Variants in ADAM18 observed in about 807,000 individuals in gnomAD.
The protein encoded by ADAM18 is ADAM metallopeptidase domain 18.
Under a neutral mutation model 94.4 loss-of-function variants are expected in ADAM18, and 117 were observed. The ratio of observed to expected loss-of-function variants is 1.24; its 90% CI spans 1.07 to 1.45. The LOEUF (loss-of-function observed/expected upper bound fraction) is 1.45, where lower values mean the gene tolerates loss of function less well. Among genes scored for constraint, ADAM18 ranks in the 40% most tolerant of loss-of-function variants. The pLI, the probability that ADAM18 is intolerant of heterozygous loss-of-function variation, is 0.00. For synonymous variants in ADAM18, 327 were observed against 291.6 expected (o/e 1.12, Z -1.24); for missense variants, 936 against 880.0 (o/e 1.06, Z -0.81).
chr8:39,633,486 T>C (rs555176760), intron 7 of ADAM18, among the ~76,000 whole-genome samples: 103 of 152,236 alleles, frequency 6.8e-4, no homozygotes, highest in Non-Finnish European at 1.3e-3. Flanking sequence ...AACAGAATGC[T>C]GGTAGAAATA....
At chr8:39,664,007 T>A in intron 13 of ADAM18, 117 bp downstream of exon 13, 1 of 697,566 alleles carries the variant, frequency 1.4e-6, no homozygotes, top group Non-Finnish European at 2.3e-6. Flanking sequence ...AAATAAAATG[T>A]AGAGTGCATG....
At chr8:39,681,756 T>C (rs1161609403) in intron 16 of ADAM18, among the ~76,000 whole-genome samples, 2 of 152,148 alleles carry the variant, frequency 1.3e-5, no homozygotes, top group South Asian at 2.1e-4. Flanking sequence ...GTTAGGAGTA[T>C]ATTATTGAAA....
chr8:39,691,956 T>C (rs922152781), intron 16 of ADAM18, among the ~76,000 whole-genome samples: 3 of 151,900 alleles, frequency 2.0e-5, no homozygotes, highest in African/African-American at 7.2e-5. Context: ...ATTGTTATGT[T>C]GTGAACGACT....
rs766455234 is a variant in ADAM18 at position 39,648,388 on chromosome 8, A to G, written c.1091A>G (p.Asp364Gly). 22 of 1,612,672 alleles carry G rather than the reference A, an allele frequency of 1.4e-5. No individual in the cohort carries two copies. The highest frequency in any genetic ancestry group is 1.6e-5 in the Non-Finnish European group (19 of 1,179,498). The change falls in exon 12 of 20, where the codon GAC becomes GGC. Residue 364 changes from aspartate (D) to glycine (G), a missense_variant. Physicochemically the swap from Asp to Gly is moderately conservative, Grantham distance 94. Coordinates refer to ENST00000265707, the MANE Select transcript of ADAM18 (RefSeq NM_014237.3). The part of the protein sequence containing the change: ...RKIFSNCSMH[D>G]YRYFVSKFET... ...ATTTTTAGCAACTGCAGCATGCACG[A>G]CTATAGATATTTTGTTTCAAAATTT...
chr8:39,661,319 A>ATTTTTTTTTTTTTTTTTTTTTT (rs71518171), intron 12 of ADAM18, among the ~76,000 whole-genome samples: 1 of 112,852 alleles, frequency 8.9e-6, no homozygotes, highest in South Asian at 3.0e-4. Flanking sequence ...CACCCGGCAA[A>ATTTTTTTTTTTTTTTTTTTTTT]TTTTTTTTTT....
chr8:39,599,755 A>G (rs1308695994), intron 2 of ADAM18, among the ~76,000 whole-genome samples: 2 of 152,088 alleles, frequency 1.3e-5, no homozygotes, highest in African/African-American at 2.4e-5. Context: ...ATTAAATTTT[A>G]AATATTGAGC....
chr8:39,652,338 A>T (rs1354582107), intron 12 of ADAM18, among the ~76,000 whole-genome samples: 1 of 152,190 alleles, frequency 6.6e-6, no homozygotes, highest in Non-Finnish European at 1.5e-5. Context: ...AAAGAACTCC[A>T]ACCACTCAAT....
intron 18 of ADAM18, among the ~76,000 whole-genome samples, chr8:39,709,133 G>A (rs1394119918): frequency 1.3e-5 from 2 of 152,170 alleles, no homozygotes; most frequent in Non-Finnish European, 2.9e-5. Flanking sequence ...GAAGTCATGT[G>A]AGCAAATTGA....
chr8:39,660,487 A>G (rs368756499), intron 12 of ADAM18, among the ~76,000 whole-genome samples: 15 of 152,306 alleles, frequency 9.8e-5, no homozygotes, highest in African/African-American at 3.4e-4. Flanking sequence ...CAAGTGGAAA[A>G]CAGTCACAAG....
At chr8:39,659,084 A>G (rs375631643) in intron 12 of ADAM18, among the ~76,000 whole-genome samples, 1 of 152,156 alleles carries the variant, frequency 6.6e-6, no homozygotes, top group Non-Finnish European at 1.5e-5. Context: ...AAGTCTTAAT[A>G]TAGAATGCCT....
rs201445727 is a variant in ADAM18, at chr8:39,637,693, T to C, written c.817T>C (p.Tyr273His). The C allele has an allele frequency of 1.2e-6, 2 of 1,601,742 alleles. No individual in the cohort carries two copies. The highest frequency in any genetic ancestry group is 1.3e-5 in the African/African-American group (1 of 74,348). The change falls in exon 9 of 20, where the codon TAC (tyrosine) becomes CAC (histidine). Residue 273 changes from tyrosine (Y) to histidine (H), a missense_variant. Physicochemically the swap from Tyr to His is moderately conservative, Grantham distance 83. Coordinates refer to ENST00000265707, the MANE Select transcript of ADAM18 (RefSeq NM_014237.3). Reference protein sequence around the residue: ...YLILRPHDIAYLLVYRKHPKY... With the variant: ...YLILRPHDIAHLLVYRKHPKY... ...CATCCTACGGCCCCATGACATAGCA[T>C]ACTTACTTGTGTAAGCACAATGTTC... is the stretch of plus-strand genomic sequence containing the variant.
At chr8:39,648,253 C>A in intron 11 of ADAM18, 91 bp from the exon 12 acceptor site, 3 of 1,020,846 alleles carry the variant, frequency 2.9e-6, no homozygotes, top group Non-Finnish European at 4.0e-6. Flanking sequence ...GGGTGGCCAT[C>A]TTGTGATTTA....
intron 6 of ADAM18, among the ~76,000 whole-genome samples, chr8:39,620,375 C>CAAAAAAAAAAAAAAAAAAAAAAAA (rs376218269): frequency 1.1e-5 from 1 of 88,796 alleles, no homozygotes; most frequent in African/African-American, 5.1e-5. Context: ...AAAAAAAAAA[C>CAAAAAAAAAAAAAAAAAAAAAAAA]AAAAAAAAAT....
chr8:39,598,296 A>G (rs1818799132), intron 2 of ADAM18, among the ~76,000 whole-genome samples: 1 of 152,040 alleles, frequency 6.6e-6, no homozygotes, highest in African/African-American at 2.4e-5. Context: ...TGTGATGTTG[A>G]AAGGAGTAGC....
chr8:39,610,731 T>C (rs749224382), intron 6 of ADAM18, 25 bp downstream of exon 6: 4 of 1,607,458 alleles, frequency 2.5e-6, no homozygotes, highest in Non-Finnish European at 2.5e-6. Context: ...TCTGATGTTA[T>C]GACATACTAG....
rs201571981 is a variant in ADAM18 at position 39,723,833 on chromosome 8, A to G, written c.2103A>G (p.Ile701Met). The G allele has an allele frequency of 2.5e-6, 4 of 1,586,128 alleles. No individual in the cohort carries two copies. Among genetic ancestry groups the G allele is most frequent in the East Asian group, 4.6e-5 (2 of 43,314 alleles). The change falls in exon 19 of 20, where the codon ATA (isoleucine) becomes ATG (methionine). Residue 701 changes from isoleucine to methionine, a missense_variant. Transcript: ENST00000265707. ...TCTGCATTTTTCTGCCGTTTTTCAT[A>G]GTTTTCACCACTGTGATCTTTAAAA... The part of the protein sequence containing the change: ...LSFCIFLPFF[I>M]VFTTVIFKRN...
intron 2 of ADAM18, among the ~76,000 whole-genome samples, chr8:39,586,633 G>C (rs573563272): frequency 6.8e-4 from 104 of 152,200 alleles, no homozygotes; most frequent in Middle Eastern, 3.4e-3. Context: ...AGGCTGAGGT[G>C]GGAGTACCCC....
chr8:39,691,701 A>C (rs1311746331), intron 16 of ADAM18, among the ~76,000 whole-genome samples: 1 of 152,046 alleles, frequency 6.6e-6, no homozygotes, highest in Non-Finnish European at 1.5e-5. Flanking sequence ...CTTGGAGACC[A>C]TTGTATTAAC....
intron 18 of ADAM18, among the ~76,000 whole-genome samples, chr8:39,722,549 A>C (rs1040308522): frequency 6.6e-6 from 1 of 151,262 alleles, no homozygotes; most frequent in African/African-American, 2.4e-5. Context: ...AGAGATATGA[A>C]GGGTGAAAAA....
Sources: allele counts gnomAD v4.1 joint callset (sites outside exome capture counted in the v4.1 genomes callset), GRCh38; gene constraint gnomAD v4.1.1; transcripts MANE v1.5; gene names NCBI Gene and HGNC (gene_info 2026-07-23, HGNC 2026-07-21).